LCP2: variants seen among roughly 807,000 people sequenced by gnomAD.
LCP2 encodes the protein lymphocyte cytosolic protein 2.
In LCP2, 29 loss-of-function variants were observed where a neutral mutation model predicts 74.5. That is an observed-to-expected ratio of 0.39 (90% CI 0.29 to 0.53). The LOEUF (loss-of-function observed/expected upper bound fraction) is 0.53, where lower values mean the gene tolerates loss of function less well. Among genes scored for constraint, LCP2 ranks in the 20% least tolerant of loss-of-function variants. The pLI, the probability that LCP2 is intolerant of heterozygous loss-of-function variation, is 0.72. For synonymous variants in LCP2, 228 were observed against 229.5 expected, an observed-to-expected ratio of 0.99 and a Z score of 0.06; for missense variants, 604 against 634.6, an observed-to-expected ratio of 0.95 and a Z score of 0.52.
intron 3 of LCP2, among the ~76,000 whole-genome samples, chr5:170,283,751 C>G (rs571262249): frequency 6.6e-6 from 1 of 152,354 alleles, no homozygotes; most frequent in South Asian, 2.1e-4. Flanking sequence ...TATGCCCCAG[C>G]TGCTCTGCCC....
At chr5:170,276,704 G>A (rs1043507212) in intron 3 of LCP2, among the ~76,000 whole-genome samples, 6 of 152,064 alleles carry the variant, frequency 3.9e-5, no homozygotes, top group African/African-American at 7.2e-5. Flanking sequence ...TCCAGAACTC[G>A]AGACTGCAGC....
At chr5:170,272,597 C>CTTTCTTTTTTTTT (rs1761913938) in intron 6 of LCP2, among the ~76,000 whole-genome samples, 1 of 40,356 alleles carries the variant, frequency 2.5e-5, no homozygotes, top group East Asian at 1.3e-3. Flanking sequence ...CAAATATTTT[C>CTTTCTTTTTTTTT]TTTTTTTTTT....
At chr5:170,263,137 AG>A in intron 10 of LCP2, 145 bp from the exon 11 acceptor site, 1 of 964,784 alleles carries the variant, frequency 1.0e-6, no homozygotes. Flanking sequence ...ACTTCAGACT[AG>A]GAAGGGTCCG....
rs1264683304 is a variant in LCP2 at position 170,247,969 on chromosome 5, C to T, written c.*728G>A. ...CTAGACCCACGATACACCAAAGTCT[C>T]ATCCCTAAATTTAAAATGTTTTCTT... On this transcript the variant is annotated 3_prime_UTR_variant, in exon 21 of 21. Transcript: ENST00000046794. 6.6e-6 allele frequency: 1 copy of T among 152,148 alleles called. No individual in the cohort carries two copies. Among genetic ancestry groups the T allele is most frequent in the Admixed American group, 6.5e-5 (1 of 15,270 alleles). 9.4% of individuals were successfully genotyped at this position (152,148 alleles called of 1,614,324 possible). A position where few individuals can be genotyped will look rare whatever the true frequency, so the allele number is the denominator to read the frequency against.
chr5:170,279,987 G>T (rs1378507126), intron 3 of LCP2, among the ~76,000 whole-genome samples: 1 of 152,056 alleles, frequency 6.6e-6, no homozygotes, highest in East Asian at 1.9e-4. Flanking sequence ...GGGAAGGGAA[G>T]GGAAGGGGAA....
rs1180553730 is a variant in LCP2, at chr5:170,293,217, C to A, written c.141+93G>T. 9 of 1,238,226 alleles carry A rather than the reference C, an allele frequency of 7.3e-6. No individual in the cohort carries two copies. The East Asian group carries it at 2.3e-4, about 31-fold the overall frequency. 76.7% of individuals were successfully genotyped at this position (1,238,226 alleles called of 1,614,324 possible). On this transcript the variant is annotated intron_variant, in intron 2 of 20. Coordinates refer to ENST00000046794, the MANE Select transcript of LCP2 (RefSeq NM_005565.5). ...AAAAAGCAAAGGGATCCTCGGGTGTCCCCAGGGAAAGGGTAGGCCAGTTGG... is the reference window on the plus strand; with the variant it reads ...AAAAAGCAAAGGGATCCTCGGGTGTACCCAGGGAAAGGGTAGGCCAGTTGG...
intron 14 of LCP2, 138 bp from the exon 15 acceptor site, chr5:170,259,016 T>C: frequency 3.2e-6 from 2 of 625,368 alleles, no homozygotes; most frequent in Non-Finnish European, 5.6e-6. Context: ...TCATAATAAA[T>C]ATACTGTGGA....
At chr5:170,262,099 G>T (rs1473758927) in intron 13 of LCP2, among the ~76,000 whole-genome samples, 5 of 152,152 alleles carry the variant, frequency 3.3e-5, no homozygotes, top group African/African-American at 1.2e-4. Flanking sequence ...AAGTAGCAAG[G>T]TTGGCCTTAA....
chr5:170,281,664 G>A (rs1762108489), intron 3 of LCP2, among the ~76,000 whole-genome samples: 2 of 152,162 alleles, frequency 1.3e-5, no homozygotes, highest in Non-Finnish European at 2.9e-5. Flanking sequence ...AGAGAAATAG[G>A]TACAAAGGAG....
At chr5:170,259,194 G>T (rs1761612159) in intron 14 of LCP2, among the ~76,000 whole-genome samples, 1 of 152,094 alleles carries the variant, frequency 6.6e-6, no homozygotes, top group African/African-American at 2.4e-5. Context: ...GTGTCCAAAA[G>T]ATTCATACAC....
intron 11 of LCP2, 24 bp from the exon 12 acceptor site, chr5:170,262,885 A>G (rs750814580): frequency 1.2e-4 from 198 of 1,613,970 alleles, no homozygotes; most frequent in Middle Eastern, 1.6e-4. Context: ...GGAAAAATGT[A>G]TGAGTGTCCA....
chr5:170,272,601 T>TG, intron 6 of LCP2, among the ~76,000 whole-genome samples: 1 of 89,566 alleles, frequency 1.1e-5, no homozygotes, highest in Non-Finnish European at 2.0e-5. Flanking sequence ...TATTTTCTTT[T>TG]TTTTTTTTTT....
chr5:170,272,759 C>G (rs1343089424), intron 6 of LCP2, among the ~76,000 whole-genome samples: 2 of 151,152 alleles, frequency 1.3e-5, no homozygotes, highest in Non-Finnish European at 3.0e-5. Flanking sequence ...ACTACAGGCA[C>G]GCACCACCAC....
rs1761320961 is a variant in LCP2, at chr5:170,247,327, A to T, written c.*1370T>A. 1 of 152,250 alleles carries T rather than the reference A, an allele frequency of 6.6e-6. No homozygotes were observed. Among genetic ancestry groups the T allele is most frequent in the Non-Finnish European group, 1.5e-5 (1 of 68,040 alleles). 9.4% of individuals were successfully genotyped at this position (152,250 alleles called of 1,614,324 possible). On this transcript the variant is annotated 3_prime_UTR_variant, in exon 21 of 21. Coordinates refer to ENST00000046794, the MANE Select transcript of LCP2 (RefSeq NM_005565.5). Reference sequence around the variant, plus strand: ...TGAAACACCATTTTTATCATCAGTTAAAAGTCTCTACCTTCTGCATACTCC... The same window carrying T: ...TGAAACACCATTTTTATCATCAGTTTAAAGTCTCTACCTTCTGCATACTCC...
At position 170,297,751 on chromosome 5, in the gene LCP2, A is replaced by T; in HGVS notation, c.-140T>A. The T allele has an allele frequency of 3.4e-6, 2 of 593,176 alleles. No individual in the cohort carries two copies. Among genetic ancestry groups the T allele is most frequent in the Non-Finnish European group, 2.9e-6 (1 of 347,722 alleles). 36.7% of individuals were successfully genotyped at this position (593,176 alleles called of 1,614,324 possible). ...CTGTGGAACACCCCTGTTGGAGCCG[A>T]TGTCTTTTCTGGCGTAGCCAGATCC... On this transcript the variant is annotated 5_prime_UTR_variant, in exon 1 of 21. Transcript: ENST00000046794.
chr5:170,262,623 C>G lies in LCP2; in HGVS notation c.926+12G>C. On this transcript the variant is annotated intron_variant, in intron 13 of 20. Transcript: ENST00000046794. The stretch of plus-strand genomic sequence containing the variant: ...CTGTGAGTGACAAGCTCAAGCAACA[C>G]CAGACAATTACTTTGGCACAGGTGG... 2 of 1,595,722 alleles carry G rather than the reference C, an allele frequency of 1.3e-6. No homozygotes were observed. The highest frequency in any genetic ancestry group is 1.7e-6 in the Non-Finnish European group (2 of 1,165,180).
intron 4 of LCP2, 68 bp downstream of exon 4, chr5:170,275,727 G>A (rs1761995112): frequency 3.1e-6 from 4 of 1,303,936 alleles, no homozygotes; most frequent in Non-Finnish European, 4.3e-6. Context: ...AAACAGTTCT[G>A]TGCCTCCCTT....
chr5:170,253,791 T>C (rs774421193), intron 17 of LCP2, among the ~76,000 whole-genome samples: 5 of 152,226 alleles, frequency 3.3e-5, no homozygotes, highest in Non-Finnish European at 5.9e-5. Context: ...TCAACTCACA[T>C]AGAAGGCACT....
chr5:170,251,506 T>C (rs968708213), intron 19 of LCP2: 1 of 325,866 alleles, frequency 3.1e-6, no homozygotes, highest in Non-Finnish European at 6.3e-6. Flanking sequence ...ATAATATTAA[T>C]ACTGTAAAGA....
Sources: gnomAD v4.1 joint callset for allele counts (sites outside exome capture counted in the v4.1 genomes callset) on GRCh38, gnomAD v4.1.1 for gene constraint, MANE v1.5 for transcripts, NCBI Gene and HGNC (gene_info 2026-07-23, HGNC 2026-07-21) for gene names.